Variants in APBB2 observed in about 807,000 individuals in gnomAD.
APBB2 encodes the protein amyloid beta precursor protein binding family B member 2.
In APBB2, 38 loss-of-function variants were observed where a neutral mutation model predicts 82.5. The ratio of observed to expected loss-of-function variants is 0.46; its 90% CI spans 0.36 to 0.60. The LOEUF is 0.60. Ranked by LOEUF, APBB2 falls within the 20% of genes least tolerant of loss-of-function variation. The probability of loss-of-function intolerance (pLI) is 0.00; values close to 1 mark genes in which losing one functional copy is unlikely to be tolerated. For missense variants in APBB2, 772 were observed against 972.3 expected, an observed-to-expected ratio of 0.79 and a Z score of 2.74; for synonymous variants, 341 against 368.2, an observed-to-expected ratio of 0.93 and a Z score of 0.85.
intron 3 of APBB2, among the ~76,000 whole-genome samples, chr4:41,066,593 C>T (rs1230232248): frequency 2.0e-5 from 3 of 152,094 alleles, no homozygotes; most frequent in Non-Finnish European, 4.4e-5. Context: ...GGGAGGCCTT[C>T]CAAGAAAAGG....
chr4:40,840,731 T>C (rs563727531), intron 12 of APBB2, among the ~76,000 whole-genome samples: 3 of 152,272 alleles, frequency 2.0e-5, no homozygotes, highest in East Asian at 1.9e-4. Flanking sequence ...AGTGTGTAAA[T>C]AGCAGATCTG....
intron 10 of APBB2, among the ~76,000 whole-genome samples, chr4:40,904,752 A>G (rs970370672): frequency 6.7e-6 from 1 of 149,512 alleles, no homozygotes; most frequent in African/African-American, 2.5e-5. Flanking sequence ...TCTGCCAGAG[A>G]GGTGTCTGGG....
chr4:41,209,033 C>T (rs747760594), intron 1 of APBB2, among the ~76,000 whole-genome samples: 17 of 152,136 alleles, frequency 1.1e-4, no homozygotes, highest in Non-Finnish European at 1.8e-4. Flanking sequence ...AAGCTTCTTA[C>T]TTCCTGCCCA....
intron 6 of APBB2, among the ~76,000 whole-genome samples, chr4:40,968,152 C>A (rs941046043): frequency 1.3e-5 from 2 of 152,266 alleles, no homozygotes; most frequent in African/African-American, 2.4e-5. Context: ...TCATCTTCTC[C>A]CCATTTTACA....
chr4:40,952,295 G>A (rs936260325), intron 6 of APBB2, among the ~76,000 whole-genome samples: 7 of 151,938 alleles, frequency 4.6e-5, no homozygotes, highest in Non-Finnish European at 1.0e-4. Context: ...GATCTGAGGA[G>A]GTCCGGCAAG....
At chr4:41,041,964 C>T (rs1211606287) in intron 4 of APBB2, among the ~76,000 whole-genome samples, 2 of 152,002 alleles carry the variant, frequency 1.3e-5, no homozygotes, top group Non-Finnish European at 2.9e-5. Context: ...TTTATGCTTC[C>T]CCCACAAATA....
intron 3 of APBB2, among the ~76,000 whole-genome samples, chr4:41,068,423 T>C (rs1240078603): frequency 1.8e-4 from 27 of 152,280 alleles, no homozygotes; most frequent in East Asian, 1.9e-4. Context: ...TTGGAGGCAA[T>C]AGACCAAATT....
At chr4:40,900,581 A>C (rs1775005494) in intron 10 of APBB2, among the ~76,000 whole-genome samples, 1 of 150,602 alleles carries the variant, frequency 6.6e-6, no homozygotes, top group Non-Finnish European at 1.5e-5. Flanking sequence ...TCAGCATCCC[A>C]AGTAGCTGGG....
intron 6 of APBB2, among the ~76,000 whole-genome samples, chr4:40,945,598 G>C (rs1788153675): frequency 1.3e-5 from 2 of 152,082 alleles, no homozygotes; most frequent in Non-Finnish European, 2.9e-5. Context: ...AATAGTAGTA[G>C]TCTTTTATAA....
chr4:41,153,533 A>T (rs1347573484), intron 1 of APBB2, among the ~76,000 whole-genome samples: 1 of 152,214 alleles, frequency 6.6e-6, no homozygotes, highest in African/African-American at 2.4e-5. Flanking sequence ...CAAGTCCGGA[A>T]ATCTTACTGA....
intron 3 of APBB2, among the ~76,000 whole-genome samples, chr4:41,091,212 G>A (rs1741572759): frequency 6.6e-6 from 1 of 152,200 alleles, no homozygotes; most frequent in East Asian, 1.9e-4. Context: ...CGGAAAAAGG[G>A]GTACCCAAAG....
At chr4:40,999,026 G>A (rs1469371860) in intron 6 of APBB2, among the ~76,000 whole-genome samples, 3 of 152,118 alleles carry the variant, frequency 2.0e-5, no homozygotes, top group Admixed American at 6.6e-5. Flanking sequence ...CAACCTCGGT[G>A]TATTGCAGGT....
chr4:40,932,894 CGCTCTGTCACCCAG>C lies in APBB2; in HGVS notation c.1254+1548_1254+1561del, dbSNP rs1341806824. Among the ~76,000 whole-genome samples the C allele has an allele frequency of 1.1e-4, 17 of 152,252 alleles. No individual in the cohort carries two copies. The South Asian group carries it at 3.5e-3, about 32-fold the overall frequency. ...TTTGTTTTGTTTCGAGATGGAGTCT[CGCTCTGTCACCCAG>C]GCTGGAGTGCAGTGGCGCGATCTCA... On this transcript the variant is annotated intron_variant, in intron 10 of 17. Transcript: ENST00000508593.
At position 41,116,895 on chromosome 4, in the gene APBB2, C is replaced by T. The variant is rs1027605781; in HGVS notation, c.-260-16145G>A. Among the ~76,000 whole-genome samples the T allele has an allele frequency of 5.3e-5, 8 of 152,276 alleles. No homozygotes were observed. The South Asian group carries it at 1.7e-3, about 32-fold the overall frequency. On this transcript the variant is annotated intron_variant, in intron 2 of 17. Transcript: ENST00000508593. The stretch of plus-strand genomic sequence containing the variant: ...GCCAAATTAAATTATAGTCCACTTA[C>T]ATTGGGTGATTTTCTTTCCTCCAAA...
chr4:40,960,845 G>T (rs78221042), intron 6 of APBB2, among the ~76,000 whole-genome samples: 2 of 151,878 alleles, frequency 1.3e-5, no homozygotes, highest in Non-Finnish European at 2.9e-5. Context: ...ATGGCCACCC[G>T]ATATAAACGC....
At chr4:40,825,211 T>C (rs1749481262) in intron 15 of APBB2, among the ~76,000 whole-genome samples, 1 of 152,230 alleles carries the variant, frequency 6.6e-6, no homozygotes, top group Admixed American at 6.5e-5. Context: ...CACAAACGTT[T>C]TCACTTCTCT....
chr4:40,880,331 T>C (rs1217247891), intron 12 of APBB2: 9 of 985,298 alleles, frequency 9.1e-6, no homozygotes, highest in African/African-American at 3.5e-5. Flanking sequence ...ACTAAATTCA[T>C]AGTCACTGGA....
At chr4:41,001,543 T>A (rs955235863) in intron 6 of APBB2, among the ~76,000 whole-genome samples, 1 of 152,168 alleles carries the variant, frequency 6.6e-6, no homozygotes, top group Admixed American at 6.5e-5. Context: ...TTTGTGAGGA[T>A]GAAATCCAAT....
intron 3 of APBB2, among the ~76,000 whole-genome samples, chr4:41,073,648 TAACA>T (rs1734638958): frequency 6.6e-6 from 1 of 152,178 alleles, no homozygotes; most frequent in Admixed American, 6.5e-5. Context: ...CCAACTCTCT[TAACA>T]AATAATTTTT....
Sources: gnomAD v4.1 joint callset for allele counts (sites outside exome capture counted in the v4.1 genomes callset) on GRCh38, gnomAD v4.1.1 for gene constraint, MANE v1.5 for transcripts, NCBI Gene and HGNC (gene_info 2026-07-23, HGNC 2026-07-21) for gene names.